The following PFDN4 variants were observed in gnomAD, a reference collection of about 807,000 sequenced individuals.
PFDN4 encodes the protein prefoldin 4.
Under a neutral mutation model 17.6 loss-of-function variants are expected in PFDN4, and 6 were observed. The observed-to-expected ratio is 0.34, with a 90% CI of 0.19 to 0.67. The LOEUF is 0.67. Among genes scored for constraint, PFDN4 ranks in the 30% least tolerant of loss-of-function variants. PFDN4 has a pLI of 0.68. For missense variants in PFDN4, 119 were observed against 158.4 expected (o/e 0.75, Z 1.33); for synonymous variants, 48 against 51.1 (o/e 0.94, Z 0.26).
chr20:54,215,280 T>C lies in PFDN4; in HGVS notation c.133-20T>C. ...TCAGAGAACTTTGAGTACATTTTCT[T>C]TGCCATTTTGCATTTATAGAAACAA... On this transcript the variant is annotated intron_variant, in intron 2 of 3. Coordinates refer to ENST00000371419, the MANE Select transcript of PFDN4 (RefSeq NM_002623.4). 1 of 1,546,084 alleles carries C rather than the reference T, an allele frequency of 6.5e-7. No homozygotes were observed. The highest frequency in any genetic ancestry group is 8.8e-7 in the Non-Finnish European group (1 of 1,140,910).
chr20:54,212,891 G>A (rs986815982), intron 1 of PFDN4, among the ~76,000 whole-genome samples: 1 of 152,232 alleles, frequency 6.6e-6, no homozygotes, highest in African/African-American at 2.4e-5. Flanking sequence ...TATGCATACG[G>A]TTGAACACTC....
intron 2 of PFDN4, 63 bp downstream of exon 2, chr20:54,214,521 C>T (rs933747306): frequency 1.4e-6 from 1 of 706,902 alleles, no homozygotes; most frequent in Non-Finnish European, 2.4e-6. Flanking sequence ...AAACTGAACT[C>T]AGTTAACAAG....
At position 54,219,479 on chromosome 20, in the gene PFDN4, G is replaced by T; in HGVS notation, c.*329G>T. 2.6e-6 allele frequency: 1 copy of T among 381,202 alleles called. No individual in the cohort carries two copies. Among genetic ancestry groups the T allele is most frequent in the Non-Finnish European group, 4.6e-6 (1 of 218,556 alleles). The allele number at this position is 381,202 out of a possible 1,614,324, so 23.6% of individuals were successfully genotyped here. A position where few individuals can be genotyped will look rare whatever the true frequency, so the allele number is the denominator to read the frequency against. On this transcript the variant is annotated 3_prime_UTR_variant, in exon 4 of 4. Transcript: ENST00000371419. ...TTTCACATAAGAAAATTTAACAGTT[G>T]TGTCATGTTGTTTCTGTCTGATTTT...
intron 3 of PFDN4, among the ~76,000 whole-genome samples, chr20:54,217,183 G>A (rs959949135): frequency 6.6e-6 from 1 of 152,034 alleles, no homozygotes; most frequent in Non-Finnish European, 1.5e-5. Flanking sequence ...CACAGGAAGA[G>A]GAATCTACAC....
chr20:54,209,299 G>A (rs1348865801), intron 1 of PFDN4, among the ~76,000 whole-genome samples: 1 of 152,134 alleles, frequency 6.6e-6, no homozygotes, highest in Non-Finnish European at 1.5e-5. Flanking sequence ...AGGGATTTGC[G>A]TTCATTCCAC....
intron 1 of PFDN4, among the ~76,000 whole-genome samples, chr20:54,211,080 C>T (rs140590446): frequency 2.6e-5 from 4 of 152,102 alleles, no homozygotes; most frequent in African/African-American, 9.6e-5. Context: ...CAAGACTCGT[C>T]TCAAAAACAA....
intron 1 of PFDN4, among the ~76,000 whole-genome samples, chr20:54,211,919 G>C (rs546340046): frequency 1.3e-5 from 2 of 152,132 alleles, no homozygotes; most frequent in Admixed American, 1.3e-4. Context: ...CTGGCTGGGC[G>C]TGGTGGCTCA....
intron 1 of PFDN4, among the ~76,000 whole-genome samples, chr20:54,212,053 C>T (rs1018935015): frequency 9.9e-5 from 15 of 152,026 alleles, no homozygotes; most frequent in Non-Finnish European, 4.4e-5. Context: ...ATTAGCCGGA[C>T]ATGGTGGCAT....
In PFDN4 at chr20:54,219,726, T is replaced by G. The variant is rs1365641896; in HGVS notation, c.*576T>G. 1 of 397,784 alleles carries G rather than the reference T, an allele frequency of 2.5e-6. No individual in the cohort carries two copies. The highest frequency in any genetic ancestry group is 4.4e-6 in the Non-Finnish European group (1 of 225,954). 24.6% of individuals were successfully genotyped at this position (397,784 alleles called of 1,614,324 possible). A position where few individuals can be genotyped will look rare whatever the true frequency, so the allele number is the denominator to read the frequency against. ...AAAGAATGGGTAATGTTTAAACATG[T>G]GGAGGCATGTGGAGCTTTATACAAA... On this transcript the variant is annotated 3_prime_UTR_variant, in exon 4 of 4. Transcript: ENST00000371419.
intron 3 of PFDN4, among the ~76,000 whole-genome samples, chr20:54,215,774 G>A (rs980994157): frequency 1.3e-5 from 2 of 152,206 alleles, no homozygotes; most frequent in African/African-American, 4.8e-5. Context: ...AAAATCCCCT[G>A]TAATTCTGCT....
At position 54,219,387 on chromosome 20, in the gene PFDN4, A is replaced by G; in HGVS notation, c.*237A>G. On this transcript the variant is annotated 3_prime_UTR_variant, in exon 4 of 4. Coordinates refer to ENST00000371419, the MANE Select transcript of PFDN4 (RefSeq NM_002623.4). ...ATATCAAGTCTAGGGGCTTCATGTC[A>G]TGTTATTAAAATCAGTTAAGCAATC... 1 of 372,408 alleles carries G rather than the reference A, an allele frequency of 2.7e-6. No individual in the cohort carries two copies. Among genetic ancestry groups the G allele is most frequent in the South Asian group, 1.2e-4 (1 of 8,142 alleles). The allele number at this position is 372,408 out of a possible 1,614,324, so 23.1% of individuals were successfully genotyped here. A position where few individuals can be genotyped will look rare whatever the true frequency, so the allele number is the denominator to read the frequency against.
At chr20:54,216,464 T>C (rs1330350703) in intron 3 of PFDN4, among the ~76,000 whole-genome samples, 3 of 152,176 alleles carry the variant, frequency 2.0e-5, no homozygotes, top group East Asian at 1.9e-4. Flanking sequence ...ATAAATCTTA[T>C]ATGTCTCCCT....
rs920169712 is a variant in PFDN4, at chr20:54,219,960, C to A, written c.*810C>A. 7.9e-6 allele frequency: 3 copies of A among 381,534 alleles called. No individual in the cohort carries two copies. The highest frequency in any genetic ancestry group is 4.5e-5 in the Admixed American group (1 of 22,280). The allele number at this position is 381,534 out of a possible 1,614,324, so 23.6% of individuals were successfully genotyped here. Reference sequence around the variant, plus strand: ...AAGGATGCATTTCTTCCCACTCCCCCACAAAAGACAAACATTTTGGGATTT... The same window carrying A: ...AAGGATGCATTTCTTCCCACTCCCCAACAAAAGACAAACATTTTGGGATTT... On this transcript the variant is annotated 3_prime_UTR_variant, in exon 4 of 4. Coordinates refer to ENST00000371419, the MANE Select transcript of PFDN4 (RefSeq NM_002623.4).
chr20:54,210,031 T>C (rs921495675), intron 1 of PFDN4, among the ~76,000 whole-genome samples: 1 of 152,186 alleles, frequency 6.6e-6, no homozygotes, highest in Admixed American at 6.5e-5. Flanking sequence ...AGAGAAGACT[T>C]TCCTGGGAAA....
Position 54,219,272 on chromosome 20 carries a change from A to G in PFDN4, c.*122A>G. 2 of 600,840 alleles carry G rather than the reference A, an allele frequency of 3.3e-6. No individual in the cohort carries two copies. Among genetic ancestry groups the G allele is most frequent in the South Asian group, 6.0e-5 (2 of 33,244 alleles). The allele number at this position is 600,840 out of a possible 1,614,324, so 37.2% of individuals were successfully genotyped here. A position where few individuals can be genotyped will look rare whatever the true frequency, so the allele number is the denominator to read the frequency against. On this transcript the variant is annotated 3_prime_UTR_variant, in exon 4 of 4. Transcript: ENST00000371419. ...TTTTTTAAAAATTTTCATTTATTTAATGGAAACTTGCCCATTTTCACATGT... is the reference window on the plus strand; with the variant it reads ...TTTTTTAAAAATTTTCATTTATTTAGTGGAAACTTGCCCATTTTCACATGT...
rs76841395 is a variant in PFDN4, at chr20:54,215,416, G to T, written c.249G>T (p.Thr83=). 3.1e-6 allele frequency: 5 copies of T among 1,600,674 alleles called. No individual in the cohort carries two copies. The South Asian group carries it at 4.5e-5, about 15-fold the overall frequency. ...DVFISHSQEE[T]QEMLEEAKKN... ...TCATTAGCCATTCTCAAGAAGAAAC[G>T]CAAGAAATGTTAGAAGAAGCAAAGG... is the stretch of plus-strand genomic sequence containing the variant. The change falls in exon 3 of 4, where the codon ACG becomes ACT. Residue 83 remains threonine (T), a synonymous_variant. Coordinates refer to ENST00000371419, the MANE Select transcript of PFDN4 (RefSeq NM_002623.4).
intron 1 of PFDN4, among the ~76,000 whole-genome samples, chr20:54,209,370 C>T (rs998793312): frequency 6.6e-5 from 10 of 152,126 alleles, no homozygotes; most frequent in African/African-American, 2.4e-4. Context: ...TAGTCTATGC[C>T]ATCTGTGCCT....
At chr20:54,216,034 G>A (rs6127141) in intron 3 of PFDN4, among the ~76,000 whole-genome samples, 1 of 152,318 alleles carries the variant, frequency 6.6e-6, no homozygotes, top group East Asian at 1.9e-4. Context: ...ATCAATTGGG[G>A]TCACGGGTCT....
intron 3 of PFDN4, among the ~76,000 whole-genome samples, chr20:54,216,899 G>A (rs1008381831): frequency 1.3e-5 from 2 of 151,928 alleles, no homozygotes; most frequent in Non-Finnish European, 2.9e-5. Context: ...TCGTGCTCGT[G>A]ATCCACCCGC....
Sources: allele counts gnomAD v4.1 joint callset (sites outside exome capture counted in the v4.1 genomes callset), GRCh38; gene constraint gnomAD v4.1.1; transcripts MANE v1.5; gene names NCBI Gene and HGNC (gene_info 2026-07-23, HGNC 2026-07-21).